Variants in LRBA observed in about 807,000 individuals in gnomAD.
LRBA encodes the protein lipopolysaccharide-responsive and beige-like anchor protein.
LRBA carries 176 observed loss-of-function variants against 330.0 expected under a neutral mutation model. The ratio of observed to expected loss-of-function variants is 0.53; its 90% confidence interval spans 0.47 to 0.60. The LOEUF (loss-of-function observed/expected upper bound fraction) is 0.60, where lower values mean the gene tolerates loss of function less well. Among genes scored for constraint, LRBA ranks in the 20% least tolerant of loss-of-function variants. The pLI, the probability that LRBA is intolerant of heterozygous loss-of-function variation, is 0.00. For missense variants in LRBA, 3,259 were observed against 3,444.8 expected, an observed-to-expected ratio of 0.95 and a Z score of 1.35; for synonymous variants, 1,230 against 1,193.0, an observed-to-expected ratio of 1.03 and a Z score of -0.64.
chr4:150,596,933 T>C (rs1475245513), intron 38 of LRBA: 1 of 428,990 alleles, frequency 2.3e-6, no homozygotes, highest in Non-Finnish European at 4.3e-6. Context: ...AAATATTAAA[T>C]ATGATATATC....
In LRBA at chr4:150,895,627, G is replaced by T. The variant is rs1470575030; in HGVS notation, c.2067+767C>A. Among the ~76,000 whole-genome samples, 3 of 152,226 alleles carry T rather than the reference G, an allele frequency of 2.0e-5. No individual in the cohort carries two copies. In the East Asian group the frequency reaches 5.8e-4, roughly 29 times the overall value. On this transcript the variant is annotated intron_variant, in intron 16 of 56. Transcript: ENST00000651943. ...AGGACATGAACTCATCCTTTTTTAT[G>T]GCTGCATAGTATTCCATGGTGTATA...
At chr4:150,592,552 T>C (rs1773020194) in intron 38 of LRBA, among the ~76,000 whole-genome samples, 1 of 152,206 alleles carries the variant, frequency 6.6e-6, no homozygotes, top group African/African-American at 2.4e-5. Context: ...ACAGGCTGCA[T>C]TGTAAGCTAC....
chr4:150,608,299 T>A (rs938114849), intron 37 of LRBA, among the ~76,000 whole-genome samples: 1 of 152,178 alleles, frequency 6.6e-6, no homozygotes, highest in Non-Finnish European at 1.5e-5. Flanking sequence ...TGAGTGTTTA[T>A]TGTAAGCCTG....
At chr4:150,373,154 TGTGTGTGTGTGTGTGTGTGA>T (rs1237331698) in intron 47 of LRBA, among the ~76,000 whole-genome samples, 2 of 148,356 alleles carry the variant, frequency 1.3e-5, no homozygotes, top group African/African-American at 2.5e-5. Context: ...TGTGTGTGTG[TGTGTGTGTGTGTGTGTGTGA>T]GAGAGAGAGA....
chr4:150,502,432 C>G (rs1482514883), intron 40 of LRBA, among the ~76,000 whole-genome samples: 1 of 152,206 alleles, frequency 6.6e-6, no homozygotes, highest in Non-Finnish European at 1.5e-5. Flanking sequence ...AGGCAAAAAT[C>G]ACTACAACTG....
intron 46 of LRBA, among the ~76,000 whole-genome samples, chr4:150,422,270 A>C (rs1399660538): frequency 1.3e-5 from 2 of 151,822 alleles, no homozygotes; most frequent in African/African-American, 4.8e-5. Context: ...CAAAACAAAA[A>C]CCCAAAAAAC....
chr4:150,583,314 C>G lies in LRBA; in HGVS notation c.6330+4734G>C, dbSNP rs1055096110. The G allele has an allele frequency of 1.9e-6, 3 of 1,614,200 alleles. No homozygotes were observed. The highest frequency in any genetic ancestry group is 2.5e-6 in the Non-Finnish European group (3 of 1,180,042). On this transcript the variant is annotated intron_variant, in intron 40 of 56. Coordinates refer to ENST00000651943, the MANE Select transcript of LRBA (RefSeq NM_001364905.1). This position sits in a 1 kb window ranked among gnomAD's most constrained non-coding sequence, Gnocchi z 9.8. ...ACTTCGTGGACGACGGCTCGCTGCC[C>G]GGCTGCGCAGTGCTCAAACTGAGCG...
chr4:150,510,097 GC>G (rs1384200943), intron 40 of LRBA, among the ~76,000 whole-genome samples: 4 of 152,038 alleles, frequency 2.6e-5, no homozygotes, highest in Non-Finnish European at 4.4e-5. Flanking sequence ...CCGAGATCAC[GC>G]CACTGCCCTC....
rs34237929 is a variant in LRBA at position 150,588,058 on chromosome 4, AT to A, written c.6319del (p.Ile2107SerfsTer46). On this transcript the variant is annotated frameshift_variant, in exon 40 of 57. Coordinates refer to ENST00000651943, the MANE Select transcript of LRBA (RefSeq NM_001364905.1). LOFTEE classifies it high-confidence loss of function. ...VDEEDPNFKK[I>X]DPKILAYTEG... Reference sequence around the variant, plus strand: ...CCTTCATCTTCTCACCTTGGGGTCGATTTTTTTGAAGTTAGGATCCTCTTCA... The same window carrying A: ...CCTTCATCTTCTCACCTTGGGGTCGATTTTTTGAAGTTAGGATCCTCTTCA... 1 of 1,611,904 alleles carries A rather than the reference AT, an allele frequency of 6.2e-7. No homozygotes were observed. The highest frequency in any genetic ancestry group is 1.7e-5 in the Admixed American group (1 of 59,724).
At chr4:150,721,194 C>T in intron 36 of LRBA, 1 of 508,010 alleles carries the variant, frequency 2.0e-6, no homozygotes, top group Non-Finnish European at 3.7e-6. Flanking sequence ...GACTGTGGAG[C>T]CTCTCCAAAC....
chr4:150,882,678 G>A (rs939635274), intron 17 of LRBA, among the ~76,000 whole-genome samples: 4 of 152,014 alleles, frequency 2.6e-5, no homozygotes, highest in East Asian at 1.9e-4. Context: ...CAAGAGAAAC[G>A]CCCAAAAAGA....
intron 46 of LRBA, among the ~76,000 whole-genome samples, chr4:150,422,247 T>A (rs1561154443): frequency 6.6e-6 from 1 of 151,976 alleles, no homozygotes. Context: ...GGAAACAGAG[T>A]TAGACCTTGT....
Position 150,415,501 on chromosome 4 carries a change from C to T in LRBA, c.7131G>A (p.Val2377=). Residue 2377 remains valine (V), a synonymous_variant, in exon 47 of 57, where the codon GTG becomes GTA. Coordinates refer to ENST00000651943, the MANE Select transcript of LRBA (RefSeq NM_001364905.1). ...CCCAAGGAGGAAGTTCGACATCAGA[C>T]ACTACTGTCCCATCATCCATCACTC... ...NLGVMDDGTV[V]SDVELPPWAK... 1 of 1,610,670 alleles carries T rather than the reference C, an allele frequency of 6.2e-7. No individual in the cohort carries two copies. Among genetic ancestry groups the T allele is most frequent in the Non-Finnish European group, 8.5e-7 (1 of 1,176,946 alleles).
intron 32 of LRBA, among the ~76,000 whole-genome samples, 197 bp downstream of exon 32, chr4:150,808,120 ACAT>A (rs139575320): frequency 0.032 from 4,917 of 152,278 alleles, 214 homozygotes; most frequent in African/African-American, 0.11. Context: ...AATGACTTGT[ACAT>A]CATCAAATGA....
At chr4:150,957,211 G>T (rs1737631844) in intron 2 of LRBA, among the ~76,000 whole-genome samples, 1 of 148,552 alleles carries the variant, frequency 6.7e-6, no homozygotes, top group African/African-American at 2.6e-5. Flanking sequence ...ACCTGAGACT[G>T]GGTAATTTAT....
chr4:150,742,103 C>T (rs931718512), intron 35 of LRBA, among the ~76,000 whole-genome samples: 4 of 150,066 alleles, frequency 2.7e-5, no homozygotes, highest in Non-Finnish European at 4.4e-5. Context: ...GAACATAGAG[C>T]GGGCAGGGAT....
At chr4:150,301,333 C>T (rs1044958987) in intron 53 of LRBA, among the ~76,000 whole-genome samples, 9 of 151,982 alleles carry the variant, frequency 5.9e-5, no homozygotes, top group African/African-American at 9.7e-5. Flanking sequence ...ACCTACTCCC[C>T]GACATATACA....
At chr4:150,724,134 G>A (rs1465083258) in intron 36 of LRBA, among the ~76,000 whole-genome samples, 2 of 152,122 alleles carry the variant, frequency 1.3e-5, no homozygotes, top group Admixed American at 1.3e-4. Flanking sequence ...GGGAACTCAC[G>A]GCCCTGAAGG....
intron 53 of LRBA, among the ~76,000 whole-genome samples, chr4:150,299,453 C>A (rs571238383): frequency 6.6e-6 from 1 of 151,962 alleles, no homozygotes; most frequent in East Asian, 1.9e-4. Flanking sequence ...CTTTTTAAAG[C>A]CCCAAATTAC....
Sources: gnomAD v4.1 joint callset for allele counts (sites outside exome capture counted in the v4.1 genomes callset) on GRCh38, gnomAD v4.1.1 for gene constraint, Gnocchi (gnomAD v3.1) non-coding constraint, MANE v1.5 for transcripts, NCBI Gene and HGNC (gene_info 2026-07-23, HGNC 2026-07-21) for gene names.